GABRG3: variants seen among roughly 807,000 people sequenced by gnomAD.
The protein encoded by GABRG3 is gamma-aminobutyric acid type A receptor subunit gamma3, also known as gamma-aminobutyric acid receptor subunit gamma-3.
In GABRG3, 25 loss-of-function variants were observed where a neutral mutation model predicts 48.8. That is an observed-to-expected ratio of 0.51 (90% CI 0.37 to 0.72). GABRG3 has a LOEUF of 0.72. GABRG3 is among the 30% of genes least tolerant of loss of function. The probability of loss-of-function intolerance (pLI) is 0.00; values close to 1 mark genes in which losing one functional copy is unlikely to be tolerated. For synonymous variants in GABRG3, 227 were observed against 217.6 expected (o/e 1.04, Z -0.38); for missense variants, 394 against 577.9 (o/e 0.68, Z 3.26).
chr15:27,455,402 G>A (rs1595765123), intron 5 of GABRG3, among the ~76,000 whole-genome samples: 1 of 152,032 alleles, frequency 6.6e-6, no homozygotes, highest in Non-Finnish European at 1.5e-5. Flanking sequence ...GTGTGTATGT[G>A]TGCTATGTGT....
intron 3 of GABRG3, among the ~76,000 whole-genome samples, chr15:27,104,203 A>G (rs1273894821): frequency 1.3e-5 from 2 of 152,220 alleles, no homozygotes; most frequent in African/African-American, 4.8e-5. Flanking sequence ...ATCTTTAGCT[A>G]TTCTGCCTCA....
intron 5 of GABRG3, among the ~76,000 whole-genome samples, chr15:27,440,936 T>C (rs1185460111): frequency 6.6e-6 from 1 of 152,240 alleles, no homozygotes; most frequent in African/African-American, 2.4e-5. Flanking sequence ...AGATTAGAGA[T>C]AATCCTGCCT....
intron 3 of GABRG3, among the ~76,000 whole-genome samples, chr15:27,186,354 T>C (rs1255484537): frequency 6.6e-6 from 1 of 152,234 alleles, no homozygotes; most frequent in Non-Finnish European, 1.5e-5. Flanking sequence ...TTATTTTTTA[T>C]GGTTGCATAG....
intron 6 of GABRG3, among the ~76,000 whole-genome samples, chr15:27,489,231 G>A (rs1187663016): frequency 6.6e-6 from 1 of 152,190 alleles, no homozygotes; most frequent in African/African-American, 2.4e-5. Flanking sequence ...TGGCTGCATA[G>A]TATTCCATGG....
At chr15:27,043,578 C>T (rs1896313434) in intron 3 of GABRG3, among the ~76,000 whole-genome samples, 1 of 152,196 alleles carries the variant, frequency 6.6e-6, no homozygotes, top group East Asian at 1.9e-4. Flanking sequence ...GCTTCTGCTT[C>T]CTTCCGCCCT....
At chr15:27,250,304 C>T (rs530958802) in intron 3 of GABRG3, among the ~76,000 whole-genome samples, 1 of 152,258 alleles carries the variant, frequency 6.6e-6, no homozygotes, top group Non-Finnish European at 1.5e-5. Context: ...ATGCTAGTCA[C>T]AGGAGGCTGC....
At chr15:27,511,820 G>A (rs973559386) in intron 6 of GABRG3, among the ~76,000 whole-genome samples, 2 of 152,190 alleles carry the variant, frequency 1.3e-5, no homozygotes, top group African/African-American at 4.8e-5. Flanking sequence ...GTCTCCAATG[G>A]CAAACCGTTC....
intron 3 of GABRG3, among the ~76,000 whole-genome samples, chr15:27,083,784 T>G (rs1008383462): frequency 3.3e-5 from 5 of 152,230 alleles, no homozygotes; most frequent in African/African-American, 4.8e-5. Flanking sequence ...GCAGTATGTG[T>G]TCACCATGTA....
chr15:27,149,958 T>C (rs369658509), intron 3 of GABRG3, among the ~76,000 whole-genome samples: 3 of 152,204 alleles, frequency 2.0e-5, no homozygotes, highest in African/African-American at 7.2e-5. Context: ...TTATTACTAC[T>C]GTGTGATCTT....
intron 3 of GABRG3, among the ~76,000 whole-genome samples, chr15:27,084,387 C>T (rs564083645): frequency 7.2e-5 from 11 of 152,298 alleles, no homozygotes; most frequent in Middle Eastern, 3.4e-3. Context: ...GGCAAGGTGC[C>T]TCCAAATGGG....
intron 6 of GABRG3, among the ~76,000 whole-genome samples, chr15:27,512,857 C>T (rs73369594): frequency 0.14 from 20,749 of 152,078 alleles, 3,652 homozygotes; most frequent in African/African-American, 0.41. Context: ...GGGCTGACCT[C>T]CAAAAAGTGC....
chr15:27,066,758 T>C (rs1171602814), intron 3 of GABRG3, among the ~76,000 whole-genome samples: 1 of 152,186 alleles, frequency 6.6e-6, no homozygotes, highest in African/African-American at 2.4e-5. Context: ...AAAAGTGATA[T>C]CTTGTTCATT....
At chr15:27,067,532 G>C (rs1474229675) in intron 3 of GABRG3, among the ~76,000 whole-genome samples, 2 of 152,202 alleles carry the variant, frequency 1.3e-5, no homozygotes, top group Non-Finnish European at 2.9e-5. Flanking sequence ...CTGCAGATGG[G>C]GTGATTCTGT....
At chr15:27,200,630 G>T (rs1462810890) in intron 3 of GABRG3, among the ~76,000 whole-genome samples, 1 of 152,178 alleles carries the variant, frequency 6.6e-6, no homozygotes, top group African/African-American at 2.4e-5. Context: ...AAGTTTTTCT[G>T]TAAGGGGCTA....
At position 27,112,457 on chromosome 15, in the gene GABRG3, T is replaced by TTTG. The variant is rs1555404194; in HGVS notation, c.270+85636_270+85637insTTG. Reference sequence around the variant, plus strand: ...TATTTCATTGATTTTTTTTTTTTTTTGGTATGGGGTCTCACTGTGTTGCCC... The same window carrying TTTG: ...TATTTCATTGATTTTTTTTTTTTTTTTTGGGTATGGGGTCTCACTGTGTTGCCC... On this transcript the variant is annotated intron_variant, in intron 3 of 9. Transcript: ENST00000615808. Among the ~76,000 whole-genome samples, 340 of 151,138 alleles carry TTTG rather than the reference T, an allele frequency of 2.2e-3. 2 individuals carry two copies. Among genetic ancestry groups the TTTG allele is most frequent in the African/African-American group, 7.1e-3 (292 of 41,124 alleles).
intron 5 of GABRG3, among the ~76,000 whole-genome samples, chr15:27,335,404 A>G (rs1025800586): frequency 1.3e-5 from 2 of 152,232 alleles, no homozygotes; most frequent in Admixed American, 1.3e-4. Context: ...AACACTTGTT[A>G]TCTTTTCCCT....
intron 5 of GABRG3, among the ~76,000 whole-genome samples, chr15:27,469,501 G>A (rs571996152): frequency 3.3e-5 from 5 of 151,858 alleles, no homozygotes; most frequent in East Asian, 1.9e-4. Context: ...CCACCACACC[G>A]GACTAATTTT....
chr15:27,048,133 G>C (rs369903614), intron 3 of GABRG3, among the ~76,000 whole-genome samples: 6 of 152,188 alleles, frequency 3.9e-5, no homozygotes, highest in African/African-American at 1.2e-4. Flanking sequence ...GGTGCTGCAG[G>C]GGGGTGAGTA....
intron 5 of GABRG3, among the ~76,000 whole-genome samples, chr15:27,411,158 A>G (rs2140599034): frequency 6.6e-6 from 1 of 152,098 alleles, no homozygotes; most frequent in East Asian, 1.9e-4. Context: ...TTGCCCGACT[A>G]GCGTCACCAC....
Sources: gnomAD v4.1 joint callset for allele counts (sites outside exome capture counted in the v4.1 genomes callset) on GRCh38, gnomAD v4.1.1 for gene constraint, MANE v1.5 for transcripts, NCBI Gene and HGNC (gene_info 2026-07-23, HGNC 2026-07-21) for gene names.